The following EDN3 variants were observed in gnomAD, a reference collection of about 807,000 sequenced individuals.
EDN3 encodes endothelin 3, also known as endothelin-3.
A neutral mutation model predicts 21.4 loss-of-function variants in EDN3; 9 were observed. The ratio of observed to expected loss-of-function variants is 0.42; its 90% CI spans 0.25 to 0.73. The LOEUF (loss-of-function observed/expected upper bound fraction) is 0.73, where lower values mean the gene tolerates loss of function less well. EDN3 is among the 30% of genes least tolerant of loss of function. The pLI is 0.26. For synonymous variants in EDN3, 133 were observed against 126.2 expected (o/e 1.05, Z -0.36); for missense variants, 327 against 309.4 (o/e 1.06, Z -0.43).
chr20:59,319,287 C>T (rs376838160), intron 2 of EDN3, among the ~76,000 whole-genome samples: 24 of 151,152 alleles, frequency 1.6e-4, no homozygotes, highest in African/African-American at 4.6e-4. Context: ...AGCAGGGAGG[C>T]GGGGGCGGGG....
At position 59,324,547 on chromosome 20, in the gene EDN3, G is replaced by A. The variant is rs1463087616; in HGVS notation, c.*88G>A. On this transcript the variant is annotated 3_prime_UTR_variant, in exon 5 of 5. Transcript: ENST00000337938. Reference sequence around the variant, plus strand: ...ATTTCCACCTCTTTATAGACAAGAAGTGAATTTGCCTGGGGCAGAACACCC... The same window carrying A: ...ATTTCCACCTCTTTATAGACAAGAAATGAATTTGCCTGGGGCAGAACACCC... The A allele has an allele frequency of 1.3e-6, 2 of 1,590,386 alleles. No homozygotes were observed. Among genetic ancestry groups the A allele is most frequent in the Admixed American group, 3.3e-5 (2 of 59,718 alleles).
In EDN3 at chr20:59,322,283, G is replaced by A. The variant is rs1990595662; in HGVS notation, c.543-89G>A. ...GGGGAACGCACTAATGTGCTCATTG[G>A]TGGGGAAGAGGAAGTCATAATTTGA... On this transcript the variant is annotated intron_variant, in intron 3 of 4. Transcript: ENST00000337938. The surrounding 1 kb of genome is among the most constrained non-coding windows in gnomAD (Gnocchi z 4.1). 10 of 1,449,410 alleles carry A rather than the reference G, an allele frequency of 6.9e-6. No homozygotes were observed. The highest frequency in any genetic ancestry group is 9.7e-6 in the Non-Finnish European group (10 of 1,031,706). 89.8% of individuals were successfully genotyped at this position (1,449,410 alleles called of 1,614,324 possible). A position where few individuals can be genotyped will look rare whatever the true frequency, so the allele number is the denominator to read the frequency against.
intron 2 of EDN3, among the ~76,000 whole-genome samples, chr20:59,302,776 C>A (rs528667262): frequency 6.6e-6 from 1 of 152,256 alleles, no homozygotes; most frequent in East Asian, 1.9e-4. Context: ...GGAAAGGCAC[C>A]TTTGCCACCG....
chr20:59,301,522 G>A lies in EDN3; in HGVS notation c.165G>A (p.Glu55=). The change falls in exon 2 of 5, where the codon GAG becomes GAA. Residue 55 remains glutamate (E), a synonymous_variant. Transcript: ENST00000337938. ...DCEETVAGPG[E]ETVAGPGEGT... is the part of the protein sequence containing the mutation. ...AAGAGACTGTGGCTGGCCCTGGCGA[G>A]GAGACTGTGGCTGGCCCTGGCGAGG... The A allele has an allele frequency of 6.2e-7, 1 of 1,612,880 alleles. No individual in the cohort carries two copies. The highest frequency in any genetic ancestry group is 8.5e-7 in the Non-Finnish European group (1 of 1,179,722).
chr20:59,323,741 T>C lies in EDN3; in HGVS notation c.589-590T>C, dbSNP rs577704900. 2.0e-5 allele frequency: 8 copies of C among 404,444 alleles called. No individual in the cohort carries two copies. The Admixed American group carries it at 2.9e-4, about 15-fold the overall frequency. 25.1% of individuals were successfully genotyped at this position (404,444 alleles called of 1,614,324 possible). On this transcript the variant is annotated intron_variant, in intron 4 of 4. Coordinates refer to ENST00000337938, the MANE Select transcript of EDN3 (RefSeq NM_207034.3). The stretch of plus-strand genomic sequence containing the variant: ...GATTTCAGGTAGGGGAACCGGTGAG[T>C]GCAAACGCCCTAGAGTGTGCTCAGG...
chr20:59,321,659 C>A (rs767993484), intron 3 of EDN3, among the ~76,000 whole-genome samples: 1 of 152,182 alleles, frequency 6.6e-6, no homozygotes, highest in Non-Finnish European at 1.5e-5. Context: ...CCCCCCTTCT[C>A]TTTGGCCACC....
At chr20:59,317,394 A>G (rs761013881) in intron 2 of EDN3, among the ~76,000 whole-genome samples, 1 of 152,216 alleles carries the variant, frequency 6.6e-6, no homozygotes, top group Non-Finnish European at 1.5e-5. Flanking sequence ...CTCCCAGACC[A>G]GATAAATAAC....
intron 2 of EDN3, among the ~76,000 whole-genome samples, chr20:59,316,146 A>G (rs1422254840): frequency 1.3e-5 from 2 of 152,202 alleles, no homozygotes; most frequent in Non-Finnish European, 2.9e-5. Context: ...AGATTGCGCC[A>G]CTGCACTCCA....
intron 4 of EDN3, chr20:59,323,595 C>T (rs139161557): frequency 1.7e-4 from 66 of 399,356 alleles, no homozygotes; most frequent in African/African-American, 8.0e-4. Context: ...CAGAAAGACA[C>T]GGCAAGGGTA....
intron 2 of EDN3, among the ~76,000 whole-genome samples, chr20:59,316,161 G>A (rs539799420): frequency 6.6e-6 from 1 of 152,294 alleles, no homozygotes; most frequent in South Asian, 2.1e-4. Flanking sequence ...ACTCCAGCCT[G>A]GCGACAGAGT....
At chr20:59,317,597 C>CT (rs1456835032) in intron 2 of EDN3, among the ~76,000 whole-genome samples, 1 of 152,112 alleles carries the variant, frequency 6.6e-6, no homozygotes, top group Non-Finnish European at 1.5e-5. Flanking sequence ...ACCTACTGGC[C>CT]TTTTTTCCTT....
rs144937074 is a variant in EDN3, at chr20:59,301,622, C to G, written c.265C>G (p.Pro89Ala). The G allele has an allele frequency of 1.2e-6, 2 of 1,614,104 alleles. No homozygotes were observed. Among genetic ancestry groups the G allele is most frequent in the East Asian group, 4.5e-5 (2 of 44,876 alleles). ...PGQEQAAEGA[P>A]EHHRSRRCTC... ...GCAGGAGCAGGCGGCCGAGGGGGCC[C>G]CTGAGCACCACCGATCCAGGCGCTG... The change falls in exon 2 of 5, where the codon CCT becomes GCT. Residue 89 changes from proline to alanine, a missense_variant. Physicochemically the swap from Pro to Ala is conservative, Grantham distance 27 (BLOSUM62 -1). Transcript: ENST00000337938.
At chr20:59,317,743 A>G (rs1230844848) in intron 2 of EDN3, among the ~76,000 whole-genome samples, 1 of 152,204 alleles carries the variant, frequency 6.6e-6, no homozygotes, top group Non-Finnish European at 1.5e-5. Context: ...AGATTCTTTC[A>G]GTGATTTTTG....
At chr20:59,318,707 C>T (rs550173976) in intron 2 of EDN3, among the ~76,000 whole-genome samples, 20 of 152,346 alleles carry the variant, frequency 1.3e-4, no homozygotes, top group Non-Finnish European at 2.8e-4. Flanking sequence ...CCGCGCTTGG[C>T]GGCCGGGGAA....
intron 4 of EDN3, among the ~76,000 whole-genome samples, chr20:59,323,036 A>C (rs1193041744): frequency 6.6e-6 from 1 of 151,818 alleles, no homozygotes; most frequent in Non-Finnish European, 1.5e-5. Context: ...ATTATTAATG[A>C]CTCCGCAGCT....
In EDN3 at chr20:59,300,782, G is replaced by T. The variant is rs527501488; in HGVS notation, c.-31G>T. 2 of 1,603,182 alleles carry T rather than the reference G, an allele frequency of 1.2e-6. No individual in the cohort carries two copies. The highest frequency in any genetic ancestry group is 1.7e-6 in the Non-Finnish European group (2 of 1,176,300). On this transcript the variant is annotated 5_prime_UTR_variant, in exon 1 of 5. Transcript: ENST00000337938. ...CGCGGCCACAAGCGGCCGTCCTCCT[G>T]GTCCGGTGCTCCGGCGCCTGATCTA...
intron 2 of EDN3, among the ~76,000 whole-genome samples, 181 bp from the exon 3 acceptor site, chr20:59,320,836 G>A (rs537166221): frequency 6.6e-6 from 1 of 152,332 alleles, no homozygotes; most frequent in East Asian, 1.9e-4. Context: ...GGTTGTGGAG[G>A]GCAGGGGGTG....
rs1008441570 is a variant in EDN3 at position 59,322,064 on chromosome 20, C to T, written c.543-308C>T. On this transcript the variant is annotated intron_variant, in intron 3 of 4. Coordinates refer to ENST00000337938, the MANE Select transcript of EDN3 (RefSeq NM_207034.3). This position sits in a 1 kb window ranked among gnomAD's most constrained non-coding sequence, Gnocchi z 4.1. Reference sequence around the variant, plus strand: ...CAGGGGTGAGCTCCCAACACCCCAACAAGGCAGACGGTAGCGCTCAGGACC... The same window carrying T: ...CAGGGGTGAGCTCCCAACACCCCAATAAGGCAGACGGTAGCGCTCAGGACC... Among the ~76,000 whole-genome samples the T allele has an allele frequency of 6.6e-6, 1 of 152,202 alleles. No individual in the cohort carries two copies. The highest frequency in any genetic ancestry group is 1.5e-5 in the Non-Finnish European group (1 of 68,044).
intron 2 of EDN3, among the ~76,000 whole-genome samples, chr20:59,310,233 G>A (rs1024510250): frequency 5.9e-5 from 9 of 152,300 alleles, no homozygotes; most frequent in African/African-American, 2.2e-4. Flanking sequence ...TATTGGAAGT[G>A]GATGGTCTCT....
Sources: allele counts gnomAD v4.1 joint callset (sites outside exome capture counted in the v4.1 genomes callset), GRCh38; gene constraint gnomAD v4.1.1; non-coding constraint Gnocchi (gnomAD v3.1); transcripts MANE v1.5; gene names NCBI Gene and HGNC (gene_info 2026-07-23, HGNC 2026-07-21).